Variants in NMNAT2 observed in about 807,000 individuals in gnomAD.
NMNAT2 encodes the protein nicotinamide/nicotinic acid mononucleotide adenylyltransferase 2.
A neutral mutation model predicts 41.6 loss-of-function variants in NMNAT2; 11 were observed. That is an observed-to-expected ratio of 0.26 (90% confidence interval 0.17 to 0.44). The LOEUF is 0.44. NMNAT2 is among the 20% of genes least tolerant of loss of function. NMNAT2 has a pLI of 1.00. For missense variants in NMNAT2, 288 were observed against 407.7 expected (o/e 0.71, Z 2.53); for synonymous variants, 148 against 151.2 (o/e 0.98, Z 0.16).
rs529384305 is a variant in NMNAT2, at chr1:183,295,720, A to G, written c.86-1927T>C. Among the ~76,000 whole-genome samples the G allele has an allele frequency of 3.9e-5, 6 of 152,152 alleles. No homozygotes were observed. In the East Asian group the frequency reaches 9.6e-4, roughly 24 times the overall value. On this transcript the variant is annotated intron_variant, in intron 1 of 10. Transcript: ENST00000287713. ...AACCACGGTTCTGTTTACTTTTTCT[A>G]TAGATTTGACGTTTCCAAAATGCCA...
intron 8 of NMNAT2, among the ~76,000 whole-genome samples, chr1:183,275,371 A>T (rs1459240686): frequency 6.6e-6 from 1 of 151,880 alleles, no homozygotes; most frequent in Non-Finnish European, 1.5e-5. Flanking sequence ...GATTCTAAGG[A>T]CCTCGCAGAT....
intron 1 of NMNAT2, among the ~76,000 whole-genome samples, chr1:183,311,766 C>T (rs1254769303): frequency 2.0e-5 from 3 of 148,712 alleles, no homozygotes; most frequent in South Asian, 2.2e-4. Context: ...CACACACACA[C>T]GCCCTGGTGT....
chr1:183,309,338 T>C (rs576152767), intron 1 of NMNAT2, among the ~76,000 whole-genome samples: 2 of 152,266 alleles, frequency 1.3e-5, no homozygotes, highest in African/African-American at 4.8e-5. Flanking sequence ...CTGAGTTACA[T>C]TTCAGAGATT....
At chr1:183,316,031 C>G (rs1033148508) in intron 1 of NMNAT2, among the ~76,000 whole-genome samples, 2 of 152,280 alleles carry the variant, frequency 1.3e-5, no homozygotes, top group African/African-American at 4.8e-5. Flanking sequence ...AAATCAAACA[C>G]CCACCTTGGG....
At chr1:183,409,656 A>G (rs1223106260) in intron 1 of NMNAT2, among the ~76,000 whole-genome samples, 1 of 152,192 alleles carries the variant, frequency 6.6e-6, no homozygotes, top group Non-Finnish European at 1.5e-5. Context: ...GGTCTTGATC[A>G]AGACCTCCAG....
At chr1:183,349,883 G>A (rs1221033150) in intron 1 of NMNAT2, among the ~76,000 whole-genome samples, 2 of 152,180 alleles carry the variant, frequency 1.3e-5, no homozygotes, top group Non-Finnish European at 2.9e-5. Context: ...GAGAAGGAAA[G>A]CTCAGGAGCC....
intron 8 of NMNAT2, among the ~76,000 whole-genome samples, chr1:183,263,883 A>G (rs779153): frequency 0.72 from 109,943 of 152,048 alleles, 41,205 homozygotes; most frequent in Middle Eastern, 0.86. Context: ...ATTTCTTTAA[A>G]TTCCCCAGAT....
intron 1 of NMNAT2, among the ~76,000 whole-genome samples, chr1:183,379,848 G>A (rs1663763890): frequency 1.3e-5 from 2 of 152,200 alleles, no homozygotes; most frequent in South Asian, 4.1e-4. Flanking sequence ...TAAGTCAAGG[G>A]ATTGCTTGAA....
At chr1:183,402,512 T>C (rs1035463186) in intron 1 of NMNAT2, among the ~76,000 whole-genome samples, 1 of 152,252 alleles carries the variant, frequency 6.6e-6, no homozygotes, top group Admixed American at 6.5e-5. Context: ...TTTTTTGAAA[T>C]CTGTGCTTCC....
At chr1:183,299,929 G>A (rs1365276466) in intron 1 of NMNAT2, among the ~76,000 whole-genome samples, 1 of 152,168 alleles carries the variant, frequency 6.6e-6, no homozygotes, top group East Asian at 1.9e-4. Context: ...GTTATGGTCT[G>A]TATGTCTGTC....
At chr1:183,287,064 T>G (rs1303339556) in intron 4 of NMNAT2, among the ~76,000 whole-genome samples, 1 of 152,122 alleles carries the variant, frequency 6.6e-6, no homozygotes, top group African/African-American at 2.4e-5. Flanking sequence ...AGTTATTTCA[T>G]CGCTCCTGAA....
intron 1 of NMNAT2, among the ~76,000 whole-genome samples, chr1:183,389,869 A>AG (rs1557897879): frequency 2.3e-5 from 1 of 43,866 alleles, no homozygotes; most frequent in African/African-American, 6.3e-5. Context: ...AAAGAAAGAA[A>AG]GAAGGGAGGG....
intron 1 of NMNAT2, among the ~76,000 whole-genome samples, chr1:183,296,270 C>T (rs1661694821): frequency 6.6e-6 from 1 of 152,252 alleles, no homozygotes; most frequent in Middle Eastern, 3.4e-3. Context: ...ATAAATAAAG[C>T]TGATATGACA....
At chr1:183,368,685 C>T (rs1663465629) in intron 1 of NMNAT2, among the ~76,000 whole-genome samples, 1 of 152,140 alleles carries the variant, frequency 6.6e-6, no homozygotes, top group African/African-American at 2.4e-5. Context: ...TTCTTGCCTC[C>T]CTATTGACAC....
chr1:183,409,088 C>T (rs1037662023), intron 1 of NMNAT2, among the ~76,000 whole-genome samples: 1 of 151,964 alleles, frequency 6.6e-6, no homozygotes, highest in Non-Finnish European at 1.5e-5. Flanking sequence ...GGCACGGTGG[C>T]TCACACTTGT....
intron 1 of NMNAT2, among the ~76,000 whole-genome samples, chr1:183,299,791 A>G (rs528468533): frequency 8.1e-4 from 123 of 152,208 alleles, no homozygotes; most frequent in Non-Finnish European, 1.6e-3. Context: ...GGCTAGTTCT[A>G]TAGCTTACTT....
chr1:183,334,907 C>A (rs1662653236), intron 1 of NMNAT2, among the ~76,000 whole-genome samples: 2 of 152,166 alleles, frequency 1.3e-5, no homozygotes, highest in South Asian at 4.1e-4. Flanking sequence ...AAGCTCTGGG[C>A]TGACTTCCTG....
chr1:183,299,898 A>G (rs752246188), intron 1 of NMNAT2, among the ~76,000 whole-genome samples: 2 of 152,202 alleles, frequency 1.3e-5, no homozygotes, highest in African/African-American at 4.8e-5. Flanking sequence ...ATATTCTACT[A>G]TAGTTATAGA....
At chr1:183,315,778 T>TAAAA in intron 1 of NMNAT2, among the ~76,000 whole-genome samples, 1 of 125,900 alleles carries the variant, frequency 7.9e-6, no homozygotes, top group East Asian at 2.2e-4. Context: ...AGACTCCGTG[T>TAAAA]AAAAAAAAAA....
Sources: allele counts gnomAD v4.1 joint callset (sites outside exome capture counted in the v4.1 genomes callset), GRCh38; gene constraint gnomAD v4.1.1; transcripts MANE v1.5; gene names NCBI Gene and HGNC (gene_info 2026-07-23, HGNC 2026-07-21).